Variants in RIMS1 observed in about 807,000 individuals in gnomAD.
RIMS1 encodes regulating synaptic membrane exocytosis 1, also known as regulating synaptic membrane exocytosis protein 1.
RIMS1 carries 83 observed loss-of-function variants against 214.1 expected under a neutral mutation model. That is an observed-to-expected ratio of 0.39 (90% CI 0.32 to 0.47). The LOEUF (loss-of-function observed/expected upper bound fraction) is 0.47. Ranked by LOEUF, RIMS1 falls within the 20% of genes least tolerant of loss-of-function variation. RIMS1 has a pLI of 0.99. For synonymous variants in RIMS1, 793 were observed against 786.8 expected, an observed-to-expected ratio of 1.01 and a Z score of -0.13; for missense variants, 2,050 against 2,161.8, an observed-to-expected ratio of 0.95 and a Z score of 1.03.
intron 2 of RIMS1, among the ~76,000 whole-genome samples, chr6:71,975,747 C>T (rs1224520986): frequency 1.3e-5 from 2 of 152,128 alleles, no homozygotes; most frequent in Non-Finnish European, 2.9e-5. Flanking sequence ...CCTCAAAATA[C>T]AGCATCTGAA....
intron 29 of RIMS1, among the ~76,000 whole-genome samples, chr6:72,335,216 C>T (rs1379987666): frequency 3.3e-5 from 5 of 151,978 alleles, no homozygotes; most frequent in Non-Finnish European, 5.9e-5. Context: ...GATATTTCTG[C>T]TATCCCTCCC....
chr6:72,081,187 A>G (rs1382340504), intron 2 of RIMS1, among the ~76,000 whole-genome samples: 1 of 152,210 alleles, frequency 6.6e-6, no homozygotes, highest in African/African-American at 2.4e-5. Context: ...TAAGGTTAAG[A>G]TGATTTATCA....
In RIMS1 at chr6:72,372,765, G is replaced by A. The variant is rs560368543; in HGVS notation, c.4367-17833G>A. Among the ~76,000 whole-genome samples the A allele has an allele frequency of 4.6e-5, 7 of 152,300 alleles. No homozygotes were observed. The Middle Eastern group carries it at 0.01, about 222-fold the overall frequency. On this transcript the variant is annotated intron_variant, in intron 29 of 33. Transcript: ENST00000521978. Reference sequence around the variant, plus strand: ...GCGATTGGTTTGCTATTCATTGTTGGGAAACTATATATGGCTGCCGCCAGG... The same window carrying A: ...GCGATTGGTTTGCTATTCATTGTTGAGAAACTATATATGGCTGCCGCCAGG...
intron 1 of RIMS1, among the ~76,000 whole-genome samples, chr6:71,897,029 T>C (rs1311803662): frequency 3.3e-5 from 5 of 152,176 alleles, no homozygotes; most frequent in Admixed American, 1.3e-4. Context: ...ACTTCAACTT[T>C]ATTGTGTCCT....
chr6:71,895,129 G>A (rs1771267741), intron 1 of RIMS1, among the ~76,000 whole-genome samples: 1 of 152,182 alleles, frequency 6.6e-6, no homozygotes, highest in Non-Finnish European at 1.5e-5. Context: ...ACACTCACAA[G>A]TGGAAACTAA....
At chr6:72,216,928 T>A in intron 6 of RIMS1, 1 of 1,280,880 alleles carries the variant, frequency 7.8e-7, no homozygotes. Flanking sequence ...AATGCTGTAA[T>A]CAATGAGAAT....
At chr6:72,152,848 A>T (rs35023007) in intron 4 of RIMS1, among the ~76,000 whole-genome samples, 2 of 81,584 alleles carry the variant, frequency 2.5e-5, no homozygotes, top group African/African-American at 1.0e-4. Flanking sequence ...GTATATATGG[A>T]ATATATGTAT....
At chr6:72,034,385 A>G (rs9446552) in intron 2 of RIMS1, among the ~76,000 whole-genome samples, 1,980 of 152,178 alleles carry the variant, frequency 0.013, 37 homozygotes, top group African/African-American at 0.045. Context: ...GCAAATTTCT[A>G]TTTTGTAAGG....
At chr6:72,144,882 C>CTTTT (rs1194756462) in intron 4 of RIMS1, among the ~76,000 whole-genome samples, 2 of 149,116 alleles carry the variant, frequency 1.3e-5, no homozygotes, top group Non-Finnish European at 1.5e-5. Flanking sequence ...TTTTTTCTTT[C>CTTTT]TTTTTTCTTT....
intron 1 of RIMS1, among the ~76,000 whole-genome samples, chr6:71,924,441 C>T (rs1303723605): frequency 2.0e-5 from 3 of 151,830 alleles, no homozygotes; most frequent in Admixed American, 6.6e-5. Flanking sequence ...TAATTTATCA[C>T]AAGTCAATAA....
At chr6:71,945,203 G>A (rs1472278723) in intron 1 of RIMS1, among the ~76,000 whole-genome samples, 2 of 152,088 alleles carry the variant, frequency 1.3e-5, no homozygotes, top group Non-Finnish European at 2.9e-5. Context: ...TAACAGCAGA[G>A]GACTGTGCCT....
intron 16 of RIMS1, among the ~76,000 whole-genome samples, chr6:72,256,953 G>A (rs2076118137): frequency 6.6e-6 from 1 of 151,794 alleles, no homozygotes; most frequent in South Asian, 2.1e-4. Flanking sequence ...TATTTCTTTA[G>A]TCTGAATATT....
chr6:72,255,283 A>G, intron 16 of RIMS1, among the ~76,000 whole-genome samples: 1 of 152,192 alleles, frequency 6.6e-6, no homozygotes, highest in East Asian at 1.9e-4. Context: ...GTTTCCTAGC[A>G]TCCAATATGA....
At position 72,237,865 on chromosome 6, in the gene RIMS1, T is replaced by C. The variant is rs2064908269; in HGVS notation, c.1900T>C (p.Phe634Leu). 1 of 1,613,340 alleles carries C rather than the reference T, an allele frequency of 6.2e-7. No individual in the cohort carries two copies. The highest frequency in any genetic ancestry group is 1.3e-5 in the African/African-American group (1 of 74,844). Residue 634 changes from phenylalanine (F) to leucine (L), a missense_variant, in exon 9 of 34, where the codon TTC becomes CTC. Phe to Leu is a conservative substitution (Grantham distance 22, BLOSUM62 0). Around this residue, in one of 6 missense-constraint regions of RIMS1, gnomAD observed 111 missense variants for 166.2 expected, o/e 0.67. Coordinates refer to ENST00000521978, the MANE Select transcript of RIMS1 (RefSeq NM_014989.7). ...KMTDLGRLGA[F>L]ITKVKKGSLA... Reference sequence around the variant, plus strand: ...GACTGACTTAGGACGACTTGGTGCTTTCATCACCAAAGTAAAGAAGGGTAG... The same window carrying C: ...GACTGACTTAGGACGACTTGGTGCTCTCATCACCAAAGTAAAGAAGGGTAG...
intron 6 of RIMS1, among the ~76,000 whole-genome samples, chr6:72,211,095 A>G (rs989698038): frequency 6.6e-6 from 1 of 152,188 alleles, no homozygotes; most frequent in African/African-American, 2.4e-5. Context: ...TTTCATAAAT[A>G]TTATATTCTA....
intron 2 of RIMS1, among the ~76,000 whole-genome samples, chr6:72,006,259 G>T (rs1372256276): frequency 6.6e-6 from 1 of 152,104 alleles, no homozygotes; most frequent in Non-Finnish European, 1.5e-5. Context: ...ATGTTGCAGG[G>T]GTCCCAAACA....
intron 2 of RIMS1, among the ~76,000 whole-genome samples, chr6:72,010,578 A>G (rs942959854): frequency 5.9e-5 from 9 of 152,100 alleles, no homozygotes; most frequent in Non-Finnish European, 1.0e-4. Flanking sequence ...TATCTAGAAA[A>G]CCCTATTGTT....
At chr6:72,177,242 T>C (rs570179490) in intron 4 of RIMS1, among the ~76,000 whole-genome samples, 1 of 152,232 alleles carries the variant, frequency 6.6e-6, no homozygotes, top group South Asian at 2.1e-4. Flanking sequence ...ACCTACTTGA[T>C]TTTATTTTAT....
chr6:71,986,262 A>G (rs1417759650), intron 2 of RIMS1, among the ~76,000 whole-genome samples: 1 of 151,342 alleles, frequency 6.6e-6, no homozygotes, highest in South Asian at 2.1e-4. Context: ...TGGTGTCCAT[A>G]ATGTCTAGCA....
Sources: allele counts gnomAD v4.1 joint callset (sites outside exome capture counted in the v4.1 genomes callset), GRCh38; gene constraint gnomAD v4.1.1; regional missense constraint gnomAD v4.1.1; transcripts MANE v1.5; gene names NCBI Gene and HGNC (gene_info 2026-07-23, HGNC 2026-07-21).